The following SCARA3 variants were observed in gnomAD, a reference collection of about 807,000 sequenced individuals.
SCARA3 encodes the protein cellular stress response gene protein.
A neutral mutation model predicts 47.0 loss-of-function variants in SCARA3; 39 were observed. That is an observed-to-expected ratio of 0.83 (90% confidence interval 0.64 to 1.08). The LOEUF is 1.08. Ranked by LOEUF, SCARA3 falls within the 50% of genes least tolerant of loss-of-function variation. The pLI is 0.00. For synonymous variants in SCARA3, 356 were observed against 334.1 expected (o/e 1.07, Z -0.71); for missense variants, 724 against 792.3 (o/e 0.91, Z 1.04).
chr8:27,699,100 C>T, the SCARA3 span, among the ~76,000 whole-genome samples: 7 of 151,736 alleles, frequency 4.6e-5, no homozygotes, highest in South Asian at 6.2e-4. Context: ...AAAAATTAGC[C>T]GGGCATGGTG....
chr8:27,643,945 G>T (rs1241666683), intron 1 of SCARA3, among the ~76,000 whole-genome samples: 1 of 152,142 alleles, frequency 6.6e-6, no homozygotes, highest in Non-Finnish European at 1.5e-5. Flanking sequence ...ACAGGTCCGG[G>T]CTATTTTCTA....
chr8:27,665,549 T>C (rs1801998939), intron 5 of SCARA3, among the ~76,000 whole-genome samples: 1 of 152,194 alleles, frequency 6.6e-6, no homozygotes. Context: ...TTTCTTTCTT[T>C]TTTGTAGAGA....
intron 2 of SCARA3, 22 bp from the exon 3 acceptor site, chr8:27,651,486 G>A: frequency 1.2e-6 from 2 of 1,608,436 alleles, no homozygotes; most frequent in Non-Finnish European, 1.7e-6. Flanking sequence ...CTAAGCCATT[G>A]TCCTCCTTGT....
the SCARA3 span, among the ~76,000 whole-genome samples, chr8:27,683,039 A>G: frequency 4.6e-5 from 7 of 152,162 alleles, no homozygotes; most frequent in Non-Finnish European, 8.8e-5. Context: ...AAAAAAACAC[A>G]CAAAAAACAA....
intron 3 of SCARA3, 103 bp from the exon 4 acceptor site, chr8:27,656,679 G>A (rs34963625): frequency 2.1e-5 from 16 of 753,572 alleles, no homozygotes; most frequent in Non-Finnish European, 3.3e-5. Context: ...AAGGGTGAAA[G>A]GTTTTGGTTG....
At chr8:27,648,170 C>G (rs1801548444) in intron 1 of SCARA3, among the ~76,000 whole-genome samples, 1 of 152,244 alleles carries the variant, frequency 6.6e-6, no homozygotes. Flanking sequence ...TTCACCACTT[C>G]TATTCTGTGG....
the SCARA3 span, among the ~76,000 whole-genome samples, chr8:27,689,649 G>A: frequency 1.3e-5 from 2 of 152,172 alleles, no homozygotes; most frequent in South Asian, 4.1e-4. Flanking sequence ...GGAACCGTGT[G>A]TTTGGGGATG....
At chr8:27,730,692 G>A in the SCARA3 span, among the ~76,000 whole-genome samples, 1 of 151,776 alleles carries the variant, frequency 6.6e-6, no homozygotes, top group Non-Finnish European at 1.5e-5. Flanking sequence ...GTTTTGCCAC[G>A]TTGCCCAGGC....
intron 2 of SCARA3, among the ~76,000 whole-genome samples, chr8:27,650,657 A>C (rs1382996961): frequency 6.6e-6 from 1 of 152,208 alleles, no homozygotes; most frequent in Non-Finnish European, 1.5e-5. Context: ...CACCTTAGGA[A>C]TTCGCAGCTG....
At chr8:27,642,842 G>T (rs909075172) in intron 1 of SCARA3, among the ~76,000 whole-genome samples, 2 of 152,050 alleles carry the variant, frequency 1.3e-5, no homozygotes, top group African/African-American at 4.8e-5. Flanking sequence ...AACAAAAAAA[G>T]AAAAGAAAAG....
At chr8:27,648,826 A>G (rs571097656) in intron 1 of SCARA3, among the ~76,000 whole-genome samples, 2 of 149,848 alleles carry the variant, frequency 1.3e-5, no homozygotes, top group South Asian at 4.4e-4. Flanking sequence ...GAAAGAGAGA[A>G]AGGAGGGAGG....
the SCARA3 span, among the ~76,000 whole-genome samples, chr8:27,691,900 C>T: frequency 6.6e-6 from 1 of 152,100 alleles, no homozygotes; most frequent in Non-Finnish European, 1.5e-5. Flanking sequence ...AAGACAACGC[C>T]AGATCATGAG....
the SCARA3 span, among the ~76,000 whole-genome samples, chr8:27,712,285 C>G: frequency 6.6e-5 from 10 of 152,130 alleles, no homozygotes; most frequent in African/African-American, 2.4e-4. Flanking sequence ...TCCATGTGGC[C>G]GGGCGCGGTG....
intron 5 of SCARA3, among the ~76,000 whole-genome samples, chr8:27,665,115 C>T (rs188309437): frequency 4.6e-5 from 7 of 152,250 alleles, no homozygotes; most frequent in South Asian, 2.1e-4. Flanking sequence ...GGGATTGCAG[C>T]GGCTGGAGCC....
At chr8:27,683,930 AAGAAGCT>A in the SCARA3 span, among the ~76,000 whole-genome samples, 3 of 152,166 alleles carry the variant, frequency 2.0e-5, no homozygotes, top group Admixed American at 1.3e-4. Flanking sequence ...TAATGAAGAA[AAGAAGCT>A]AGACACAAAG....
chr8:27,664,396 A>G (rs1299080112), intron 5 of SCARA3, among the ~76,000 whole-genome samples: 18 of 152,110 alleles, frequency 1.2e-4, no homozygotes, highest in Admixed American at 1.2e-3. Flanking sequence ...GATGTTGGTG[A>G]CTCTATTTAT....
intron 2 of SCARA3, among the ~76,000 whole-genome samples, chr8:27,650,124 C>G (rs1367547664): frequency 2.6e-5 from 4 of 152,186 alleles, no homozygotes; most frequent in Non-Finnish European, 4.4e-5. Context: ...TCCCAAGTAG[C>G]TGTGACTGTT....
chr8:27,719,242 A>C, the SCARA3 span, among the ~76,000 whole-genome samples: 2 of 152,194 alleles, frequency 1.3e-5, no homozygotes, highest in African/African-American at 4.8e-5. Context: ...ACATGGATGG[A>C]GCTGGAGGCC....
chr8:27,733,395 A>G, the SCARA3 span: 183 of 152,296 alleles, frequency 1.2e-3, 1 homozygote, highest in Non-Finnish European at 1.2e-3. Context: ...GGTTGGCATC[A>G]TTTCCCTTTT....
Sources: gnomAD v4.1 joint callset for allele counts (sites outside exome capture counted in the v4.1 genomes callset) on GRCh38, gnomAD v4.1.1 for gene constraint, MANE v1.5 for transcripts, NCBI Gene and HGNC (gene_info 2026-07-23, HGNC 2026-07-21) for gene names.